The following KCNJ6 variants were observed in gnomAD, a reference collection of about 807,000 sequenced individuals.
KCNJ6 encodes G protein-activated inward rectifier potassium channel 2.
KCNJ6 carries 9 observed loss-of-function variants against 34.2 expected under a neutral mutation model. That is an observed-to-expected ratio of 0.26 (90% CI 0.16 to 0.46). The LOEUF is 0.46. Among genes scored for constraint, KCNJ6 ranks in the 20% least tolerant of loss-of-function variants. The pLI, the probability that KCNJ6 is intolerant of heterozygous loss-of-function variation, is 1.00. For synonymous variants in KCNJ6, 196 were observed against 207.1 expected (o/e 0.95, Z 0.46); for missense variants, 236 against 531.3 (o/e 0.44, Z 5.46).
At chr21:37,835,308 T>G (rs1410949808) in intron 2 of KCNJ6, among the ~76,000 whole-genome samples, 2 of 152,190 alleles carry the variant, frequency 1.3e-5, no homozygotes, top group African/African-American at 4.8e-5. Context: ...GAAGGGATCC[T>G]GCAGCCAGGA....
chr21:37,711,303 C>G (rs1390169364), intron 3 of KCNJ6, among the ~76,000 whole-genome samples: 13 of 152,220 alleles, frequency 8.5e-5, no homozygotes, highest in Admixed American at 8.5e-4. Flanking sequence ...CTGGGATCAT[C>G]CTGTGCCCAG....
intron 1 of KCNJ6, among the ~76,000 whole-genome samples, chr21:37,894,105 G>C (rs2055776198): frequency 6.6e-6 from 1 of 152,092 alleles, no homozygotes; most frequent in Non-Finnish European, 1.5e-5. Context: ...AACATATCAG[G>C]GGATGGTCTA....
chr21:37,660,242 C>A (rs1201539402), intron 3 of KCNJ6, among the ~76,000 whole-genome samples: 2 of 152,254 alleles, frequency 1.3e-5, no homozygotes, highest in Non-Finnish European at 2.9e-5. Context: ...TCCCCTCCAA[C>A]TTGACCAAGA....
At chr21:37,817,326 G>A (rs570301484) in intron 2 of KCNJ6, among the ~76,000 whole-genome samples, 4 of 152,294 alleles carry the variant, frequency 2.6e-5, no homozygotes, top group African/African-American at 9.6e-5. Flanking sequence ...CTCCTGCACA[G>A]CACAAGGAGA....
At chr21:37,908,497 G>C (rs1373114270) in intron 1 of KCNJ6, among the ~76,000 whole-genome samples, 1 of 152,208 alleles carries the variant, frequency 6.6e-6, no homozygotes, top group African/African-American at 2.4e-5. Context: ...AACAGCAAGT[G>C]CCAGATATTA....
At chr21:37,668,228 T>C (rs201270836) in intron 3 of KCNJ6, among the ~76,000 whole-genome samples, 43 of 152,188 alleles carry the variant, frequency 2.8e-4, no homozygotes, top group East Asian at 2.5e-3. Flanking sequence ...CCAAAACCCA[T>C]AGAGGCCTTC....
Position 37,714,135 on chromosome 21 carries a change from T to C in KCNJ6, c.946+76A>G. 1 of 1,027,344 alleles carries C rather than the reference T, an allele frequency of 9.7e-7. No individual in the cohort carries two copies. The highest frequency in any genetic ancestry group is 1.5e-6 in the Non-Finnish European group (1 of 679,202). 63.6% of individuals were successfully genotyped at this position (1,027,344 alleles called of 1,614,324 possible). A position where few individuals can be genotyped will look rare whatever the true frequency, so the allele number is the denominator to read the frequency against. On this transcript the variant is annotated intron_variant, in intron 3 of 3. Coordinates refer to ENST00000609713, the MANE Select transcript of KCNJ6 (RefSeq NM_002240.5). The surrounding 1 kb of genome is among the most constrained non-coding windows in gnomAD (Gnocchi z 5.9). ...GTGAGGTTCAGTATTCTAGATCTTG[T>C]AATAGATAAGAACATCAGGTCCAGT...
rs946265253 is a variant in KCNJ6 at position 37,620,214 on chromosome 21, A to T, written c.*4945T>A. 6.6e-6 allele frequency: 1 copy of T among 152,206 alleles called. No homozygotes were observed. Among genetic ancestry groups the T allele is most frequent in the Non-Finnish European group, 1.5e-5 (1 of 68,036 alleles). 9.4% of individuals were successfully genotyped at this position (152,206 alleles called of 1,614,324 possible). A position where few individuals can be genotyped will look rare whatever the true frequency, so the allele number is the denominator to read the frequency against. On this transcript the variant is annotated 3_prime_UTR_variant, in exon 4 of 4. Transcript: ENST00000609713. ...ACTATTACTAGTACTTAATAGTACC[A>T]ATAGTACTTAACAGTACAGTACAGG...
chr21:37,755,111 TAGAAA>T (rs892054493), intron 2 of KCNJ6, among the ~76,000 whole-genome samples: 2 of 152,066 alleles, frequency 1.3e-5, no homozygotes, highest in Non-Finnish European at 2.9e-5. Context: ...TTCTAAATCT[TAGAAA>T]AGAAGTTTGC....
In KCNJ6 at chr21:37,614,456, C is replaced by CTG. The variant is rs143698033; in HGVS notation, c.*10701_*10702dup. On this transcript the variant is annotated 3_prime_UTR_variant, in exon 4 of 4. Transcript: ENST00000609713. ...TGTATCTCTGTGTGTATGCATGTGT[C>CTG]TGTGTCTGCGTGTGTGTGTATGCAT... 43,288 of 146,852 alleles carry CTG rather than the reference C, an allele frequency of 0.29. 6,579 individuals are homozygous for CTG. Among genetic ancestry groups the CTG allele is most frequent in the South Asian group, 0.33 (1,474 of 4,464 alleles). The allele number at this position is 146,852 out of a possible 1,614,324, so 9.1% of individuals were successfully genotyped here.
intron 2 of KCNJ6, among the ~76,000 whole-genome samples, chr21:37,745,073 T>G (rs1285882619): frequency 6.8e-3 from 2 of 292 alleles, no homozygotes; most frequent in African/African-American, 0.016. Context: ...ACGTTGCTGG[T>G]TTTTTTTTTT....
At chr21:37,670,328 A>G (rs1488933125) in intron 3 of KCNJ6, among the ~76,000 whole-genome samples, 8 of 152,028 alleles carry the variant, frequency 5.3e-5, no homozygotes, top group African/African-American at 1.9e-4. Context: ...CTTTTTCAGC[A>G]TTGTTTTGGC....
Position 37,620,754 on chromosome 21 carries a change from T to G in KCNJ6, c.*4405A>C, listed in dbSNP as rs2054287616. On this transcript the variant is annotated 3_prime_UTR_variant, in exon 4 of 4. Coordinates refer to ENST00000609713, the MANE Select transcript of KCNJ6 (RefSeq NM_002240.5). ...TGAATTAGAATGAAATAAGATAATT[T>G]GTACAAGTGCTCTTAATGCTCTCAA... The G allele has an allele frequency of 6.6e-6, 1 of 152,220 alleles. No individual in the cohort carries two copies. 9.4% of individuals were successfully genotyped at this position (152,220 alleles called of 1,614,324 possible).
chr21:37,686,810 T>A (rs4295095), intron 3 of KCNJ6, among the ~76,000 whole-genome samples: 1 of 151,946 alleles, frequency 6.6e-6, no homozygotes, highest in South Asian at 2.1e-4. Context: ...GACAGGGACC[T>A]GTGCATTTAT....
In KCNJ6 at chr21:37,608,419, A is replaced by C. The variant is rs138175721; in HGVS notation, c.*16740T>G. The C allele has an allele frequency of 5.3e-5, 8 of 152,206 alleles. No individual in the cohort carries two copies. The allele number at this position is 152,206 out of a possible 1,614,324, so 9.4% of individuals were successfully genotyped here. ...GCAATCCTCCCACCTTGGCCTCTCA[A>C]AGTGCTGGAATTACAGGCATGAACC... On this transcript the variant is annotated 3_prime_UTR_variant, in exon 4 of 4. Coordinates refer to ENST00000609713, the MANE Select transcript of KCNJ6 (RefSeq NM_002240.5).
intron 3 of KCNJ6, among the ~76,000 whole-genome samples, chr21:37,677,018 C>A (rs1260160195): frequency 6.6e-6 from 1 of 152,234 alleles, no homozygotes. Flanking sequence ...AGGAAGAGGG[C>A]TCCTGGTCAG....
At chr21:37,913,647 G>A (rs2055877826) in intron 1 of KCNJ6, among the ~76,000 whole-genome samples, 1 of 152,028 alleles carries the variant, frequency 6.6e-6, no homozygotes. Flanking sequence ...GTGAAACCCC[G>A]TCTCTACTAA....
At chr21:37,740,204 T>G (rs2054933599) in intron 2 of KCNJ6, among the ~76,000 whole-genome samples, 1 of 152,220 alleles carries the variant, frequency 6.6e-6, no homozygotes, top group African/African-American at 2.4e-5. Context: ...AGGGCTCTCC[T>G]AAAATTTAAC....
intron 2 of KCNJ6, among the ~76,000 whole-genome samples, chr21:37,753,426 G>A (rs969925556): frequency 3.9e-5 from 6 of 152,196 alleles, no homozygotes; most frequent in African/African-American, 7.2e-5. Context: ...TCAACCAGGC[G>A]TAAATTGCAA....
Sources: gnomAD v4.1 joint callset for allele counts (sites outside exome capture counted in the v4.1 genomes callset) on GRCh38, gnomAD v4.1.1 for gene constraint, Gnocchi (gnomAD v3.1) non-coding constraint, MANE v1.5 for transcripts, NCBI Gene and HGNC (gene_info 2026-07-23, HGNC 2026-07-21) for gene names.